Variants in ADCK1 observed in about 807,000 individuals in gnomAD.
ADCK1 encodes aarF domain-containing protein kinase 1.
A neutral mutation model predicts 52.3 loss-of-function variants in ADCK1; 41 were observed. The observed-to-expected ratio is 0.78, with a 90% confidence interval of 0.61 to 1.02. ADCK1 has a LOEUF of 1.02. Among genes scored for constraint, ADCK1 ranks in the 50% least tolerant of loss-of-function variants. ADCK1 has a pLI of 0.00. For missense variants in ADCK1, 658 were observed against 679.5 expected (o/e 0.97, Z 0.35); for synonymous variants, 250 against 274.6 (o/e 0.91, Z 0.89).
intron 1 of ADCK1, among the ~76,000 whole-genome samples, chr14:77,807,065 G>GTTTTTTTT (rs1322028621): frequency 1.9e-5 from 1 of 52,310 alleles, no homozygotes; most frequent in African/African-American, 9.5e-5. Flanking sequence ...TGGAGACAGA[G>GTTTTTTTT]TCTTTTTTTT....
chr14:77,841,263 A>G (rs555534397), intron 3 of ADCK1, among the ~76,000 whole-genome samples: 31 of 152,280 alleles, frequency 2.0e-4, no homozygotes, highest in African/African-American at 7.5e-4. Flanking sequence ...ACGATAGGGC[A>G]TGTGGTACAA....
intron 4 of ADCK1, 69 bp downstream of exon 4, chr14:77,859,348 G>T (rs539690246): frequency 1.3e-6 from 2 of 1,485,532 alleles, no homozygotes; most frequent in East Asian, 2.4e-5. Context: ...CTGAATTCTT[G>T]CAGCCTCGAC....
intron 5 of ADCK1, 117 bp downstream of exon 5, chr14:77,887,366 A>T: frequency 2.5e-6 from 3 of 1,181,686 alleles, no homozygotes; most frequent in Non-Finnish European, 3.4e-6. Context: ...CAAGCAGCAG[A>T]GGGAGAGGAG....
At chr14:77,806,155 A>C (rs2081222080) in intron 1 of ADCK1, among the ~76,000 whole-genome samples, 1 of 151,528 alleles carries the variant, frequency 6.6e-6, no homozygotes, top group East Asian at 2.0e-4. Context: ...TGGACTCCTG[A>C]GCTCAAGCGG....
intron 3 of ADCK1, among the ~76,000 whole-genome samples, chr14:77,829,563 C>T (rs116970712): frequency 0.04 from 6,083 of 151,358 alleles, 377 homozygotes; most frequent in South Asian, 0.13. Context: ...TCCCAAAGTG[C>T]TGGGATTATG....
At chr14:77,900,066 G>A (rs570251339) in intron 6 of ADCK1, among the ~76,000 whole-genome samples, 11 of 94,980 alleles carry the variant, frequency 1.2e-4, no homozygotes, top group African/African-American at 2.8e-4. Flanking sequence ...GTGAAACTCC[G>A]TCTCAAAAAA....
At chr14:77,843,180 C>T (rs564437222) in intron 3 of ADCK1, among the ~76,000 whole-genome samples, 1 of 152,204 alleles carries the variant, frequency 6.6e-6, no homozygotes, top group Non-Finnish European at 1.5e-5. Flanking sequence ...GCGTGAGTAA[C>T]CTTGTCTAGC....
chr14:77,838,553 TG>T (rs1181363607), intron 3 of ADCK1, among the ~76,000 whole-genome samples: 1 of 152,128 alleles, frequency 6.6e-6, no homozygotes, highest in African/African-American at 2.4e-5. Flanking sequence ...CGTGCTGCCA[TG>T]CCTGGCTAAT....
At chr14:77,899,043 G>C in intron 5 of ADCK1, 57 bp from the exon 6 acceptor site, 1 of 1,602,282 alleles carries the variant, frequency 6.2e-7, no homozygotes. Flanking sequence ...GGAAGGTAGG[G>C]AATGTCCCTT....
intron 3 of ADCK1, among the ~76,000 whole-genome samples, chr14:77,823,131 G>A (rs556159617): frequency 6.6e-5 from 10 of 152,178 alleles, no homozygotes; most frequent in South Asian, 4.1e-4. Flanking sequence ...GGTAGTTGAT[G>A]TTGATATGTG....
chr14:77,864,514 TAA>T (rs1324605117), intron 4 of ADCK1, among the ~76,000 whole-genome samples: 1 of 151,838 alleles, frequency 6.6e-6, no homozygotes, highest in East Asian at 1.9e-4. Context: ...TGGGAGGGGG[TAA>T]AAGGTGCCCT....
rs77195260 is a variant in ADCK1 at position 77,851,518 on chromosome 14, C to T, written c.220-7558C>T. On this transcript the variant is annotated intron_variant, in intron 3 of 10. Coordinates refer to ENST00000238561, the MANE Select transcript of ADCK1 (RefSeq NM_020421.4). ...GATTTATGTCTTTGTTCTAGTTATT[C>T]GTTTTCTGTTTGTCCTATTTGTTCT... Among the ~76,000 whole-genome samples the T allele has an allele frequency of 4.1e-4, 62 of 152,180 alleles. 1 individual carries two copies. In the East Asian group the frequency reaches 0.011, roughly 28 times the overall value.
chr14:77,851,895 G>A (rs1188876096), intron 3 of ADCK1, among the ~76,000 whole-genome samples: 1 of 151,982 alleles, frequency 6.6e-6, no homozygotes, highest in African/African-American at 2.4e-5. Context: ...TACTCATAAA[G>A]TTGCTATTTC....
intron 6 of ADCK1, 121 bp downstream of exon 6, chr14:77,899,379 T>TAAGAG: frequency 2.3e-6 from 3 of 1,292,712 alleles, no homozygotes; most frequent in African/African-American, 1.5e-5. Flanking sequence ...CTGAGTCCTC[T>TAAGAG]TACTGAGGAT....
intron 4 of ADCK1, among the ~76,000 whole-genome samples, chr14:77,860,844 A>G (rs2082529182): frequency 6.6e-6 from 1 of 152,202 alleles, no homozygotes; most frequent in South Asian, 2.1e-4. Context: ...TGTGAAGTGC[A>G]TCATTGCTGG....
At chr14:77,800,208 T>C (rs1461527735) in intron 1 of ADCK1, 38 bp downstream of exon 1, 1 of 152,250 alleles carries the variant, frequency 6.6e-6, no homozygotes, top group East Asian at 1.9e-4. Flanking sequence ...GGCGCAGAGC[T>C]CGGGCCGACC....
In ADCK1 at chr14:77,925,880, C is replaced by G; in HGVS notation, c.1125C>G (p.Pro375=). The G allele has an allele frequency of 6.2e-7, 1 of 1,614,236 alleles. No homozygotes were observed. The highest frequency in any genetic ancestry group is 8.5e-7 in the Non-Finnish European group (1 of 1,180,050). Residue 375 remains proline, a synonymous_variant, in exon 9 of 11, where the codon CCC becomes CCG. Coordinates refer to ENST00000238561, the MANE Select transcript of ADCK1 (RefSeq NM_020421.4). ...GACTGGGAGCCGGGGATCTCTACCC[C>G]TTGTTTGCCTGCATGCTGACGGCGC... The part of the protein sequence containing the change: ...SQRLGAGDLY[P]LFACMLTARS...
chr14:77,885,782 C>T (rs1215795564), intron 4 of ADCK1, among the ~76,000 whole-genome samples: 3 of 152,222 alleles, frequency 2.0e-5, no homozygotes, highest in Admixed American at 2.0e-4. Flanking sequence ...CATGTCTGGA[C>T]TTTCCAGGAT....
At chr14:77,863,907 A>C (rs2082606785) in intron 4 of ADCK1, among the ~76,000 whole-genome samples, 1 of 152,020 alleles carries the variant, frequency 6.6e-6, no homozygotes, top group Non-Finnish European at 1.5e-5. Flanking sequence ...GGTTCTGTCC[A>C]CCTCTGAAAT....
Sources: allele counts gnomAD v4.1 joint callset (sites outside exome capture counted in the v4.1 genomes callset), GRCh38; gene constraint gnomAD v4.1.1; transcripts MANE v1.5; gene names NCBI Gene and HGNC (gene_info 2026-07-23, HGNC 2026-07-21).